The following PPP1R13B variants were observed in gnomAD, a reference collection of about 807,000 sequenced individuals.
PPP1R13B encodes apoptosis-stimulating of p53 protein 1.
A neutral mutation model predicts 119.8 loss-of-function variants in PPP1R13B; 44 were observed. The observed-to-expected ratio is 0.37, with a 90% confidence interval of 0.29 to 0.47. The LOEUF (loss-of-function observed/expected upper bound fraction) is 0.47, where lower values mean the gene tolerates loss of function less well. Among genes scored for constraint, PPP1R13B ranks in the 20% least tolerant of loss-of-function variants. PPP1R13B has a pLI of 0.99. For missense variants in PPP1R13B, 1,227 were observed against 1,413.5 expected, an observed-to-expected ratio of 0.87 and a Z score of 2.12; for synonymous variants, 542 against 561.5, an observed-to-expected ratio of 0.97 and a Z score of 0.49.
intron 2 of PPP1R13B, among the ~76,000 whole-genome samples, chr14:103,792,447 T>C (rs1323590417): frequency 6.6e-6 from 1 of 152,160 alleles, no homozygotes; most frequent in African/African-American, 2.4e-5. Context: ...AGTGCTGGGA[T>C]TACAGGTGTG....
At chr14:103,803,229 A>G (rs1229047326) in intron 1 of PPP1R13B, among the ~76,000 whole-genome samples, 2 of 152,242 alleles carry the variant, frequency 1.3e-5, no homozygotes, top group African/African-American at 4.8e-5. Flanking sequence ...AATGGGTAGC[A>G]TATTTTTTTC....
chr14:103,843,718 G>A (rs1024311827), intron 1 of PPP1R13B, among the ~76,000 whole-genome samples: 5 of 152,206 alleles, frequency 3.3e-5, no homozygotes, highest in Non-Finnish European at 5.9e-5. Flanking sequence ...ACGTTGGGAG[G>A]CTGAGGCAGG....
upstream of PPP1R13B, chr14:103,848,349 T>A: frequency 1.0e-6 from 1 of 985,418 alleles, no homozygotes; most frequent in Non-Finnish European, 1.2e-6. Flanking sequence ...CCTGGGTCTC[T>A]CCCTGCAGTC....
chr14:103,749,849 A>G lies in PPP1R13B; in HGVS notation c.914T>C (p.Met305Thr). The change falls in exon 8 of 17, where the codon ATG becomes ACG. Residue 305 changes from methionine (M) to threonine (T), a missense_variant. Coordinates refer to ENST00000202556, the MANE Select transcript of PPP1R13B (RefSeq NM_015316.3). ...CAGTTCACTGATTCGCTTGTCCATC[A>G]TGGCCACCTCCATGTTGCGCTTATT... ...LLNKRNMEVA[M>T]MDKRISELRE... is the part of the protein sequence containing the mutation. 1 of 1,614,166 alleles carries G rather than the reference A, an allele frequency of 6.2e-7. No individual in the cohort carries two copies. Among genetic ancestry groups the G allele is most frequent in the Non-Finnish European group, 8.5e-7 (1 of 1,180,038 alleles).
At chr14:103,761,319 A>G (rs2084801062) in intron 4 of PPP1R13B, among the ~76,000 whole-genome samples, 1 of 152,012 alleles carries the variant, frequency 6.6e-6, no homozygotes, top group Admixed American at 6.6e-5. Context: ...TATGTGCCAA[A>G]AAGTAGTAAA....
intron 4 of PPP1R13B, among the ~76,000 whole-genome samples, chr14:103,772,014 C>T (rs1490196332): frequency 1.3e-5 from 2 of 152,172 alleles, no homozygotes; most frequent in Non-Finnish European, 2.9e-5. Flanking sequence ...GTTCTCATAT[C>T]CACAGGCAAA....
intron 4 of PPP1R13B, among the ~76,000 whole-genome samples, chr14:103,773,104 A>T (rs2085108636): frequency 6.6e-6 from 1 of 152,206 alleles, no homozygotes; most frequent in South Asian, 2.1e-4. Flanking sequence ...CTTTCAAAAT[A>T]ATAATAATAA....
At position 103,799,608 on chromosome 14, in the gene PPP1R13B, G is replaced by A. The variant is rs1455871698; in HGVS notation, c.10-2090C>T. On this transcript the variant is annotated intron_variant, in intron 1 of 16. Coordinates refer to ENST00000202556, the MANE Select transcript of PPP1R13B (RefSeq NM_015316.3). Reference sequence around the variant, plus strand: ...GATTATAGGCGTGAGCCACTGTGCCGGGTTTTTTGTTTTTTTTTTTTTTAA... The same window carrying A: ...GATTATAGGCGTGAGCCACTGTGCCAGGTTTTTTGTTTTTTTTTTTTTTAA... Among the ~76,000 whole-genome samples the A allele has an allele frequency of 3.0e-5, 4 of 133,464 alleles. No individual in the cohort carries two copies. The South Asian group carries it at 6.9e-4, about 23-fold the overall frequency. 87.6% of individuals were successfully genotyped at this position (133,464 alleles called of 152,430 possible). A position where few individuals can be genotyped will look rare whatever the true frequency, so the allele number is the denominator to read the frequency against.
intron 2 of PPP1R13B, among the ~76,000 whole-genome samples, chr14:103,789,700 GAC>G (rs1349382013): frequency 6.6e-6 from 1 of 151,748 alleles, no homozygotes; most frequent in Non-Finnish European, 1.5e-5. Flanking sequence ...TTTTAGTAGA[GAC>G]AGAGTTTCAC....
At chr14:103,792,469 C>A (rs574489331) in intron 2 of PPP1R13B, among the ~76,000 whole-genome samples, 1 of 152,120 alleles carries the variant, frequency 6.6e-6, no homozygotes, top group Non-Finnish European at 1.5e-5. Context: ...GCTACTGCAC[C>A]TGGCAAAATT....
At chr14:103,848,062 C>CG (rs1010307551), upstream of PPP1R13B, among the ~76,000 whole-genome samples, 6 of 151,908 alleles carry the variant, frequency 3.9e-5, no homozygotes, top group South Asian at 4.1e-4. Flanking sequence ...GGGAGGGGCG[C>CG]GGGGGGCCCC....
rs974177603 is a variant in PPP1R13B, at chr14:103,847,479, C to G, written c.-172G>C. 2 of 987,456 alleles carry G rather than the reference C, an allele frequency of 2.0e-6. No individual in the cohort carries two copies. Among genetic ancestry groups the G allele is most frequent in the South Asian group, 4.5e-5 (1 of 22,116 alleles). The allele number at this position is 987,456 out of a possible 1,614,324, so 61.2% of individuals were successfully genotyped here. On this transcript the variant is annotated 5_prime_UTR_variant, in exon 1 of 17. Transcript: ENST00000202556. ...GCTGCGGGGCTCTCGCTGGCCCTGTCGCGGCCGCCGGCGCGCTGCGTCGCT... is the reference window on the plus strand; with the variant it reads ...GCTGCGGGGCTCTCGCTGGCCCTGTGGCGGCCGCCGGCGCGCTGCGTCGCT...
In PPP1R13B at chr14:103,742,020, G is replaced by T. The variant is rs2084271695; in HGVS notation, c.1592C>A (p.Pro531Gln). Residue 531 changes from proline to glutamine, a missense_variant, in exon 11 of 17, where the codon CCG becomes CAG. Transcript: ENST00000202556. This position sits in a 1 kb window ranked among gnomAD's most constrained non-coding sequence, Gnocchi z 4.9. ...TGGAAATGCAGGTGGTCCCGCTGGC[G>T]GGTACGTGGGACTTGGCGGTACGGA... ...RISVPPSPTYPPAGPPAFPAG... is the reference protein window; with the variant it reads ...RISVPPSPTYQPAGPPAFPAG... 1 of 1,614,250 alleles carries T rather than the reference G, an allele frequency of 6.2e-7. No individual in the cohort carries two copies. The highest frequency in any genetic ancestry group is 1.3e-5 in the African/African-American group (1 of 75,072).
Position 103,754,053 on chromosome 14 carries a change from G to T in PPP1R13B, c.631+17C>A. On this transcript the variant is annotated intron_variant, in intron 6 of 16. Coordinates refer to ENST00000202556, the MANE Select transcript of PPP1R13B (RefSeq NM_015316.3). The stretch of plus-strand genomic sequence containing the variant: ...GCCTGGTGAGAGTGGTGTCGAGGGG[G>T]TGTTGCAGGCACGTACACAGATTGC... 1 of 1,610,562 alleles carries T rather than the reference G, an allele frequency of 6.2e-7. No individual in the cohort carries two copies. Among genetic ancestry groups the T allele is most frequent in the Non-Finnish European group, 8.5e-7 (1 of 1,177,628 alleles).
intron 1 of PPP1R13B, among the ~76,000 whole-genome samples, chr14:103,828,225 C>T (rs2086594502): frequency 6.6e-6 from 1 of 151,800 alleles, no homozygotes; most frequent in African/African-American, 2.4e-5. Flanking sequence ...AAAAATTAGC[C>T]AGACATGGTG....
chr14:103,754,782 CT>C (rs572539906), intron 5 of PPP1R13B, among the ~76,000 whole-genome samples: 8 of 147,788 alleles, frequency 5.4e-5, no homozygotes, highest in Middle Eastern at 3.5e-3. Context: ...TCTTTTTCTT[CT>C]TTTTTTTTTC....
At chr14:103,776,655 A>G (rs891813730) in intron 4 of PPP1R13B, among the ~76,000 whole-genome samples, 2 of 152,112 alleles carry the variant, frequency 1.3e-5, no homozygotes, top group South Asian at 2.1e-4. Flanking sequence ...GGCGGATCAC[A>G]AGGTCAGGAG....
chr14:103,742,322 G>A lies in PPP1R13B; in HGVS notation c.1321-31C>T, dbSNP rs1481452545. The A allele has an allele frequency of 6.6e-7, 1 of 1,514,622 alleles. No homozygotes were observed. The highest frequency in any genetic ancestry group is 8.8e-7 in the Non-Finnish European group (1 of 1,139,392). The allele number at this position is 1,514,622 out of a possible 1,614,324, so 93.8% of individuals were successfully genotyped here. On this transcript the variant is annotated intron_variant, in intron 10 of 16. Transcript: ENST00000202556. The surrounding 1 kb of genome is among the most constrained non-coding windows in gnomAD (Gnocchi z 4.9). The stretch of plus-strand genomic sequence containing the variant: ...TTTAGGTGTTAAGAAGAAAAACAAA[G>A]TCACCCTTTGAACAGTTAAGAATAT...
At chr14:103,808,260 T>G (rs1055927403) in intron 1 of PPP1R13B, among the ~76,000 whole-genome samples, 4 of 150,432 alleles carry the variant, frequency 2.7e-5, no homozygotes, top group African/African-American at 4.9e-5. Context: ...AAAAAATTAG[T>G]GTGAAAGTCA....
Sources: gnomAD v4.1 joint callset for allele counts (sites outside exome capture counted in the v4.1 genomes callset) on GRCh38, gnomAD v4.1.1 for gene constraint, Gnocchi (gnomAD v3.1) non-coding constraint, MANE v1.5 for transcripts, NCBI Gene and HGNC (gene_info 2026-07-23, HGNC 2026-07-21) for gene names.